The following ANKRD12 variants were observed in gnomAD, a reference collection of about 807,000 sequenced individuals.
The protein encoded by ANKRD12 is ankyrin repeat domain-containing protein 12.
A neutral mutation model predicts 183.4 loss-of-function variants in ANKRD12; 85 were observed. The ratio of observed to expected loss-of-function variants is 0.46; its 90% CI spans 0.39 to 0.56. The LOEUF (loss-of-function observed/expected upper bound fraction) is 0.56, where lower values mean the gene tolerates loss of function less well. Among genes scored for constraint, ANKRD12 ranks in the 20% least tolerant of loss-of-function variants. The probability of loss-of-function intolerance (pLI) is 0.00; values close to 1 mark genes in which losing one functional copy is unlikely to be tolerated. For missense variants in ANKRD12, 2,405 were observed against 2,357.1 expected, an observed-to-expected ratio of 1.02 and a Z score of -0.42; for synonymous variants, 914 against 800.2, an observed-to-expected ratio of 1.14 and a Z score of -2.40.
chr18:9,223,923 A>C lies in ANKRD12; in HGVS notation c.943+1924A>C, dbSNP rs182850929. ...GTTATCTTCATTAAACTAGGTAAGAATGAAAATAAGTGAACTTAAGAAATC... is the reference window on the plus strand; with the variant it reads ...GTTATCTTCATTAAACTAGGTAAGACTGAAAATAAGTGAACTTAAGAAATC... On this transcript the variant is annotated intron_variant, in intron 8 of 12. Coordinates refer to ENST00000262126, the MANE Select transcript of ANKRD12 (RefSeq NM_015208.5). Among the ~76,000 whole-genome samples, 17 of 152,360 alleles carry C rather than the reference A, an allele frequency of 1.1e-4. No individual in the cohort carries two copies. The East Asian group carries it at 3.3e-3, about 29-fold the overall frequency.
In ANKRD12 at chr18:9,154,573, C is replaced by CA. The variant is rs544652054; in HGVS notation, c.-52+17609dup. Among the ~76,000 whole-genome samples the CA allele has an allele frequency of 1.2e-4, 18 of 152,242 alleles. 1 individual carries two copies. In the South Asian group the frequency reaches 3.7e-3, roughly 32 times the overall value. Reference sequence around the variant, plus strand: ...CTCGTCTCTTAAAAAACAACAACAACACACACTCTGGCTACTGCCTGTAGA... The same window carrying CA: ...CTCGTCTCTTAAAAAACAACAACAACAACACACTCTGGCTACTGCCTGTAGA... On this transcript the variant is annotated intron_variant, in intron 1 of 12. Transcript: ENST00000262126.
chr18:9,150,121 C>T (rs1598395310), intron 1 of ANKRD12, among the ~76,000 whole-genome samples: 1 of 152,172 alleles, frequency 6.6e-6, no homozygotes, highest in South Asian at 2.1e-4. Flanking sequence ...GTATAGTCTT[C>T]TGAATTCTTT....
At chr18:9,229,421 A>G (rs1421273289) in intron 8 of ANKRD12, among the ~76,000 whole-genome samples, 1 of 152,092 alleles carries the variant, frequency 6.6e-6, no homozygotes, top group African/African-American at 2.4e-5. Context: ...CTTCTGATCT[A>G]TGAGCATGGG....
rs1400522419 is a variant in ANKRD12, at chr18:9,173,627, TA to T, written c.-51-8754del. 1.2e-3 allele frequency among the ~76,000 whole-genome samples: 46 copies of T among 39,604 alleles called. 1 individual carries two copies. Among genetic ancestry groups the T allele is most frequent in the African/African-American group, 4.5e-3 (42 of 9,278 alleles). 26.0% of individuals were successfully genotyped at this position (39,604 alleles called of 152,430 possible). On this transcript the variant is annotated intron_variant, in intron 1 of 12. Transcript: ENST00000262126. ...TCCCGGTGGGGTGGTGGGGGGGGGG[TA>T]GGGGGGGCAGTACTGACCTGTTGCC...
chr18:9,246,769 A>G (rs1048304747), intron 8 of ANKRD12, among the ~76,000 whole-genome samples: 23 of 152,300 alleles, frequency 1.5e-4, no homozygotes, highest in Non-Finnish European at 1.8e-4. Context: ...GTGAGTTACT[A>G]TTTATCACAT....
rs1459307934 is a variant in ANKRD12, at chr18:9,258,924, T to G, written c.5657T>G (p.Ile1886Ser). 1 of 1,601,736 alleles carries G rather than the reference T, an allele frequency of 6.2e-7. No individual in the cohort carries two copies. The highest frequency in any genetic ancestry group is 8.5e-7 in the Non-Finnish European group (1 of 1,173,570). Residue 1886 changes from isoleucine to serine, a missense_variant, in exon 9 of 13, where the codon ATT becomes AGT. By Grantham distance (142) the Ile-to-Ser change is moderately radical. This residue lies in a region of ANKRD12 where 162 missense variants were observed against 272.2 expected (regional missense o/e 0.60). Transcript: ENST00000262126. ...GGAAACCCCTTAAGCAAGATTTGTA[T>G]TCCCACAGTAAGTAACATCATCACT... ...LDGNPLSKIC[I>S]PTITPPPSLS...
chr18:9,149,798 A>ATTT (rs368621263), intron 1 of ANKRD12, among the ~76,000 whole-genome samples: 1 of 118,304 alleles, frequency 8.5e-6, no homozygotes, highest in Admixed American at 8.6e-5. Context: ...ATTAAATTTT[A>ATTT]TTTTTTTTTT....
intron 1 of ANKRD12, among the ~76,000 whole-genome samples, chr18:9,149,725 A>G (rs2078613350): frequency 6.6e-6 from 1 of 152,006 alleles, no homozygotes; most frequent in Non-Finnish European, 1.5e-5. Flanking sequence ...TGGAATTTTG[A>G]AAGTAATAAT....
chr18:9,269,915 G>T (rs576218254), intron 10 of ANKRD12, among the ~76,000 whole-genome samples: 1 of 152,094 alleles, frequency 6.6e-6, no homozygotes, highest in East Asian at 1.9e-4. Flanking sequence ...AACTCAAACA[G>T]ATTTACAAGA....
intron 1 of ANKRD12, among the ~76,000 whole-genome samples, chr18:9,147,905 C>G (rs899954286): frequency 2.6e-5 from 4 of 152,166 alleles, no homozygotes; most frequent in Non-Finnish European, 5.9e-5. Context: ...GGCCTTCAAA[C>G]AGTTTACCAT....
Position 9,255,369 on chromosome 18 carries a change from T to G in ANKRD12, c.2102T>G (p.Phe701Cys). Residue 701 changes from phenylalanine to cysteine, a missense_variant, in exon 9 of 13, where the codon TTT becomes TGT. Coordinates refer to ENST00000262126, the MANE Select transcript of ANKRD12 (RefSeq NM_015208.5). ...FDREFWKENFFKSDETEDLFL... is the reference protein window; with the variant it reads ...FDREFWKENFCKSDETEDLFL... Reference sequence around the variant, plus strand: ...AGAGAATTTTGGAAAGAGAATTTTTTTAAAAGTGATGAAACTGAAGATCTC... The same window carrying G: ...AGAGAATTTTGGAAAGAGAATTTTTGTAAAAGTGATGAAACTGAAGATCTC... The G allele has an allele frequency of 2.5e-6, 4 of 1,607,578 alleles. No homozygotes were observed. Among genetic ancestry groups the G allele is most frequent in the Non-Finnish European group, 3.4e-6 (4 of 1,178,150 alleles).
chr18:9,176,002 C>G (rs553030287), intron 1 of ANKRD12, among the ~76,000 whole-genome samples: 1 of 152,300 alleles, frequency 6.6e-6, no homozygotes, highest in South Asian at 2.1e-4. Flanking sequence ...GTCTGTCAGA[C>G]AAGACTTGTT....
At chr18:9,238,418 A>G (rs2037469017) in intron 8 of ANKRD12, among the ~76,000 whole-genome samples, 1 of 152,164 alleles carries the variant, frequency 6.6e-6, no homozygotes, top group South Asian at 2.1e-4. Flanking sequence ...TGTTCTCTGA[A>G]TATTTCCACC....
intron 11 of ANKRD12, 126 bp downstream of exon 11, chr18:9,275,793 A>G (rs560095060): frequency 7.3e-6 from 7 of 959,372 alleles, no homozygotes; most frequent in African/African-American, 5.0e-5. Flanking sequence ...AAGAAAAAAA[A>G]CTCTTTCAAG....
In ANKRD12 at chr18:9,257,445, C is replaced by T. The variant is rs758464053; in HGVS notation, c.4178C>T (p.Ala1393Val). 6.2e-7 allele frequency: 1 copy of T among 1,614,068 alleles called. No individual in the cohort carries two copies. Among genetic ancestry groups the T allele is most frequent in the Middle Eastern group, 1.6e-4 (1 of 6,062 alleles). Residue 1393 changes from alanine to valine, a missense_variant, in exon 9 of 13, where the codon GCC becomes GTC. Around this residue, in one of 7 missense-constraint regions of ANKRD12, gnomAD observed 1,983 missense variants for 1,725.9 expected, o/e 1.15. Transcript: ENST00000262126. Reference protein sequence around the residue: ...SADRNLIKNTAPVNTVMDSPV... With the variant: ...SADRNLIKNTVPVNTVMDSPV... The stretch of plus-strand genomic sequence containing the variant: ...GATAGAAATCTCATCAAGAATACTG[C>T]CCCAGTGAACACTGTAATGGACAGT...
At chr18:9,198,582 C>T (rs1488136705) in intron 3 of ANKRD12, among the ~76,000 whole-genome samples, 3 of 152,116 alleles carry the variant, frequency 2.0e-5, no homozygotes, top group African/African-American at 4.8e-5. Flanking sequence ...GACAGAGTCA[C>T]TCTGTCGCCC....
intron 6 of ANKRD12, 117 bp from the exon 7 acceptor site, chr18:9,216,641 T>C (rs2036124889): frequency 2.0e-6 from 2 of 1,021,902 alleles, no homozygotes; most frequent in South Asian, 1.7e-5. Flanking sequence ...ATCACTCCTT[T>C]TTTTTTGCAC....
chr18:9,194,185 A>C (rs1046739068), intron 2 of ANKRD12, among the ~76,000 whole-genome samples: 12 of 152,240 alleles, frequency 7.9e-5, no homozygotes, highest in Admixed American at 5.2e-4. Context: ...GGACTATTAA[A>C]ACAGATCATT....
intron 1 of ANKRD12, among the ~76,000 whole-genome samples, chr18:9,149,798 A>AAT (rs747680416): frequency 4.1e-4 from 48 of 118,322 alleles, no homozygotes; most frequent in African/African-American, 1.5e-3. Flanking sequence ...ATTAAATTTT[A>AAT]TTTTTTTTTT....
Sources: gnomAD v4.1 joint callset for allele counts (sites outside exome capture counted in the v4.1 genomes callset) on GRCh38, gnomAD v4.1.1 for gene constraint, gnomAD v4.1.1 regional missense constraint, MANE v1.5 for transcripts, NCBI Gene and HGNC (gene_info 2026-07-23, HGNC 2026-07-21) for gene names.